The following PPARGC1A variants were observed in gnomAD, a reference collection of about 807,000 sequenced individuals.
PPARGC1A encodes PPARG coactivator 1 alpha, also known as peroxisome proliferator-activated receptor gamma coactivator 1-alpha.
A neutral mutation model predicts 88.7 loss-of-function variants in PPARGC1A; 25 were observed. The observed-to-expected ratio is 0.28, with a 90% CI of 0.21 to 0.39. PPARGC1A has a LOEUF of 0.39. Ranked by LOEUF, PPARGC1A falls within the 10% of genes least tolerant of loss-of-function variation. The probability of loss-of-function intolerance (pLI) is 1.00; values close to 1 mark genes in which losing one functional copy is unlikely to be tolerated. For synonymous variants in PPARGC1A, 363 were observed against 355.6 expected (o/e 1.02, Z -0.24); for missense variants, 880 against 968.7 (o/e 0.91, Z 1.22).
At chr4:24,307,735 T>A in the PPARGC1A span, among the ~76,000 whole-genome samples, 1 of 152,176 alleles carries the variant, frequency 6.6e-6, no homozygotes, top group Non-Finnish European at 1.5e-5. Flanking sequence ...TGAAGTGTGT[T>A]TGAGACGTTA....
chr4:24,162,987 G>A, the PPARGC1A span, among the ~76,000 whole-genome samples: 1 of 151,068 alleles, frequency 6.6e-6, no homozygotes, highest in South Asian at 2.1e-4. Flanking sequence ...AAAATTTAAG[G>A]AAAACAAACA....
At chr4:23,848,865 A>C (rs771030527) in intron 2 of PPARGC1A, among the ~76,000 whole-genome samples, 1 of 142,838 alleles carries the variant, frequency 7.0e-6, no homozygotes, top group Non-Finnish European at 1.5e-5. Flanking sequence ...CAGTACTATC[A>C]ACGTAAAAAT....
At chr4:24,128,596 A>G in the PPARGC1A span, among the ~76,000 whole-genome samples, 1 of 150,064 alleles carries the variant, frequency 6.7e-6, no homozygotes, top group Non-Finnish European at 1.5e-5. Flanking sequence ...GCATCTGTGT[A>G]CAATGGTATG....
the PPARGC1A span, among the ~76,000 whole-genome samples, chr4:24,105,387 G>C: frequency 1.3e-5 from 2 of 152,266 alleles, 1 homozygote; most frequent in Middle Eastern, 6.8e-3. Flanking sequence ...AAAAGCTAGG[G>C]GGAGGTATTT....
chr4:24,150,194 G>C, the PPARGC1A span, among the ~76,000 whole-genome samples: 1 of 152,126 alleles, frequency 6.6e-6, no homozygotes, highest in Non-Finnish European at 1.5e-5. Context: ...GCAGTGTTTT[G>C]TGGTTAAAAA....
the PPARGC1A span, among the ~76,000 whole-genome samples, chr4:24,003,420 A>G: frequency 6.6e-6 from 1 of 152,214 alleles, no homozygotes; most frequent in Non-Finnish European, 1.5e-5. Flanking sequence ...TAGAATTAGG[A>G]CGAAAAAAAT....
chr4:23,868,656 G>C (rs1388189269), intron 2 of PPARGC1A, among the ~76,000 whole-genome samples: 1 of 152,134 alleles, frequency 6.6e-6, no homozygotes, highest in Admixed American at 6.6e-5. Flanking sequence ...AGAAAAAGAT[G>C]CTCTTTTGCA....
the PPARGC1A span, among the ~76,000 whole-genome samples, chr4:24,078,038 T>C: frequency 2.0e-5 from 3 of 152,116 alleles, no homozygotes; most frequent in Admixed American, 2.0e-4. Context: ...ATATACTCTC[T>C]TACCTCTAGA....
At chr4:24,432,815 T>C in the PPARGC1A span, among the ~76,000 whole-genome samples, 1 of 152,144 alleles carries the variant, frequency 6.6e-6, no homozygotes, top group African/African-American at 2.4e-5. Context: ...TGTTACCAAC[T>C]CCTAAATGCT....
Position 23,852,840 on chromosome 4 carries a change from T to G in PPARGC1A, c.235-21089A>C, listed in dbSNP as rs558229458. On this transcript the variant is annotated intron_variant, in intron 2 of 12. Coordinates refer to ENST00000264867, the MANE Select transcript of PPARGC1A (RefSeq NM_013261.5). ...GGGAAATAGATATGTACAAGACACA[T>G]GACCCAGACAGGCATATGCATGTGT... Among the ~76,000 whole-genome samples, 11 of 152,290 alleles carry G rather than the reference T, an allele frequency of 7.2e-5. No homozygotes were observed. In the South Asian group the frequency reaches 2.1e-3, roughly 29 times the overall value.
chr4:24,239,962 C>T, the PPARGC1A span, among the ~76,000 whole-genome samples: 7 of 152,170 alleles, frequency 4.6e-5, no homozygotes, highest in South Asian at 6.2e-4. Flanking sequence ...CTCTCCCACC[C>T]GCTCTCCCAC....
chr4:24,291,771 A>C, the PPARGC1A span, among the ~76,000 whole-genome samples: 1 of 152,248 alleles, frequency 6.6e-6, no homozygotes, highest in Admixed American at 6.5e-5. Flanking sequence ...TAATTGAGTA[A>C]AAGAGAAAAA....
chr4:24,281,357 G>C, the PPARGC1A span, among the ~76,000 whole-genome samples: 1 of 152,184 alleles, frequency 6.6e-6, no homozygotes, highest in Non-Finnish European at 1.5e-5. Context: ...GCCTCAGGCT[G>C]TTTCCACTCA....
rs375871924 is a variant in PPARGC1A at position 23,814,076 on chromosome 4, G to A, written c.1407C>T (p.Pro469=). The A allele has an allele frequency of 1.2e-6, 2 of 1,613,912 alleles. No individual in the cohort carries two copies. The highest frequency in any genetic ancestry group is 1.3e-5 in the African/African-American group (1 of 74,902). ...RAELNKHFGH[P]SQAVFDDEAD... Reference sequence around the variant, plus strand: ...CTTCGTCGTCAAAAACAGCTTGACTGGGATGACCGAAGTGCTTGTTCAGCT... The same window carrying A: ...CTTCGTCGTCAAAAACAGCTTGACTAGGATGACCGAAGTGCTTGTTCAGCT... Residue 469 remains proline, a synonymous_variant, in exon 8 of 13, where the codon CCC becomes CCT. Transcript: ENST00000264867.
intron 1 of PPARGC1A, among the ~76,000 whole-genome samples, chr4:23,897,709 T>G (rs1577692878): frequency 6.6e-6 from 1 of 152,286 alleles, no homozygotes; most frequent in Admixed American, 6.5e-5. Context: ...ATTTAACCAC[T>G]CAACGATTCT....
the PPARGC1A span, among the ~76,000 whole-genome samples, chr4:24,288,495 G>T: frequency 1.3e-5 from 2 of 152,174 alleles, no homozygotes; most frequent in Non-Finnish European, 2.9e-5. Flanking sequence ...AAGATGAAAG[G>T]CTCAAAATGA....
chr4:23,909,984 T>A, the PPARGC1A span, among the ~76,000 whole-genome samples: 3 of 150,476 alleles, frequency 2.0e-5, no homozygotes, highest in East Asian at 6.1e-4. Context: ...GCTGCTAACG[T>A]GATTTTATTG....
intron 2 of PPARGC1A, among the ~76,000 whole-genome samples, chr4:23,867,897 C>T (rs749064953): frequency 1.3e-5 from 2 of 152,140 alleles, no homozygotes; most frequent in South Asian, 2.1e-4. Flanking sequence ...ACAACAACAA[C>T]GACAAAAACA....
At chr4:23,826,438 C>T (rs1723945090) in intron 5 of PPARGC1A, among the ~76,000 whole-genome samples, 1 of 152,022 alleles carries the variant, frequency 6.6e-6, no homozygotes, top group Admixed American at 6.6e-5. Context: ...AATGAGACAT[C>T]AACACACAAC....
Sources: allele counts gnomAD v4.1 joint callset (sites outside exome capture counted in the v4.1 genomes callset), GRCh38; gene constraint gnomAD v4.1.1; transcripts MANE v1.5; gene names NCBI Gene and HGNC (gene_info 2026-07-23, HGNC 2026-07-21).